Variants in KLHL13 observed in about 807,000 individuals in gnomAD.
The protein encoded by KLHL13 is kelch like family member 13.
In KLHL13, 10 loss-of-function variants were observed where a neutral mutation model predicts 37.1. The ratio of observed to expected loss-of-function variants is 0.27; its 90% CI spans 0.17 to 0.46. The LOEUF is 0.46. Ranked by LOEUF, KLHL13 falls within the 20% of genes least tolerant of loss-of-function variation. KLHL13 has a pLI of 1.00. For missense variants in KLHL13, 360 were observed against 509.3 expected (o/e 0.71, Z 2.82); for synonymous variants, 163 against 181.2 (o/e 0.90, Z 0.81).
At chrX:118,012,200 T>G (rs1361519592) in intron 1 of KLHL13, among the ~76,000 whole-genome samples, 1 of 111,802 alleles carries the variant, frequency 8.9e-6, no homozygotes, top group Non-Finnish European at 1.9e-5. Context: ...GCTCCTGGTA[T>G]ATATTAGGAA....
intron 4 of KLHL13, among the ~76,000 whole-genome samples, chrX:117,913,843 A>AAAAAG (rs1931155709): frequency 9.1e-6 from 1 of 110,108 alleles, no homozygotes; most frequent in South Asian, 3.9e-4. Flanking sequence ...CTCCATCAAA[A>AAAAAG]AAAAGAAAAA....
At chrX:118,023,101 G>A (rs1299521643) in intron 1 of KLHL13, among the ~76,000 whole-genome samples, 2 of 110,573 alleles carry the variant, frequency 1.8e-5, no homozygotes, top group South Asian at 3.7e-4. Context: ...TTTGCAAGTG[G>A]ATATACAGTT....
intron 4 of KLHL13, among the ~76,000 whole-genome samples, chrX:117,916,793 T>C (rs188320373): frequency 6.2e-4 from 69 of 112,105 alleles, no homozygotes; most frequent in African/African-American, 2.1e-3. Flanking sequence ...GTGTTTTGAT[T>C]ATGTGAACTA....
chrX:118,064,244 ATG>A (rs1321037584), intron 1 of KLHL13, among the ~76,000 whole-genome samples: 1 of 111,897 alleles, frequency 8.9e-6, no homozygotes, highest in Non-Finnish European at 1.9e-5. Context: ...TCACTTAAAA[ATG>A]TGTTTTTGAA....
At chrX:118,016,711 G>T (rs1196822521) in intron 1 of KLHL13, among the ~76,000 whole-genome samples, 1 of 111,524 alleles carries the variant, frequency 9.0e-6, no homozygotes, top group Non-Finnish European at 1.9e-5. Flanking sequence ...TAGTTCAGAG[G>T]CAAGAAGCTC....
intron 4 of KLHL13, among the ~76,000 whole-genome samples, chrX:117,919,025 CT>C (rs950309026): frequency 1.8e-5 from 2 of 109,570 alleles, no homozygotes; most frequent in South Asian, 4.0e-4. Flanking sequence ...TACACAGAGG[CT>C]TTTTTTTTCT....
At chrX:118,081,726 A>C (rs1353930679) in intron 1 of KLHL13, among the ~76,000 whole-genome samples, 1 of 109,974 alleles carries the variant, frequency 9.1e-6, no homozygotes, top group Non-Finnish European at 1.9e-5. Context: ...ACATTAACCA[A>C]CCTCTCTTCA....
intron 1 of KLHL13, among the ~76,000 whole-genome samples, chrX:117,984,890 T>C (rs2053706335): frequency 2.7e-5 from 3 of 110,548 alleles, no homozygotes; most frequent in South Asian, 7.6e-4. Context: ...TGCCACCTTC[T>C]GGCAACTGAG....
At chrX:117,905,736 G>A (rs1397414945) in intron 5 of KLHL13, among the ~76,000 whole-genome samples, 1 of 110,900 alleles carries the variant, frequency 9.0e-6, no homozygotes, top group Non-Finnish European at 1.9e-5. Flanking sequence ...ATGCAGGTAT[G>A]CAATGTATAA....
chrX:118,015,119 C>A (rs5956000), intron 1 of KLHL13, among the ~76,000 whole-genome samples: 2 of 111,165 alleles, frequency 1.8e-5, no homozygotes, highest in African/African-American at 6.6e-5. Flanking sequence ...AAGACACTTT[C>A]CAAATTTCAC....
chrX:118,095,849 C>A (rs933235672), intron 1 of KLHL13, among the ~76,000 whole-genome samples: 12 of 111,864 alleles, frequency 1.1e-4, no homozygotes, highest in Non-Finnish European at 5.6e-5. Context: ...CCAATGAGAA[C>A]AAAGACACAA....
chrX:117,898,870 A>G lies in KLHL13; in HGVS notation c.*38T>C, dbSNP rs1929897457. On this transcript the variant is annotated 3_prime_UTR_variant, in exon 7 of 7. Transcript: ENST00000262820. ...AAGAAGAGAATTTATGACACATTGC[A>G]AAGATAGAACTACAGCATCTTAGTT... 4 of 1,157,802 alleles carry G rather than the reference A, an allele frequency of 3.5e-6. No individual in the cohort carries two copies. In the South Asian group the frequency reaches 6.1e-5, roughly 18 times the overall value.
At chrX:118,068,552 C>G (rs1393316091) in intron 1 of KLHL13, among the ~76,000 whole-genome samples, 1 of 110,438 alleles carries the variant, frequency 9.1e-6, no homozygotes, top group Non-Finnish European at 1.9e-5. Context: ...CCCAGCAGCC[C>G]CCATCAACCC....
intron 1 of KLHL13, among the ~76,000 whole-genome samples, chrX:118,110,112 T>G (rs73597468): frequency 0.018 from 1,976 of 111,564 alleles, 52 homozygotes; most frequent in African/African-American, 0.061. Context: ...AGATGTTATA[T>G]AAAGATAATA....
intron 1 of KLHL13, among the ~76,000 whole-genome samples, chrX:118,050,731 C>T (rs1295682095): frequency 8.9e-6 from 1 of 112,202 alleles, no homozygotes; most frequent in Non-Finnish European, 1.9e-5. Flanking sequence ...TCAGTCAGTG[C>T]TCATTCTATG....
At chrX:118,005,046 T>C (rs1414226808) in intron 1 of KLHL13, among the ~76,000 whole-genome samples, 1 of 112,127 alleles carries the variant, frequency 8.9e-6, no homozygotes, top group Non-Finnish European at 1.9e-5. Flanking sequence ...TACAATTAAT[T>C]GCAATGCATA....
chrX:118,073,255 TG>T (rs1163410335), intron 1 of KLHL13, among the ~76,000 whole-genome samples: 3 of 111,393 alleles, frequency 2.7e-5, no homozygotes, highest in African/African-American at 6.5e-5. Context: ...TCCACATGAC[TG>T]GGGAAGCCTC....
intron 1 of KLHL13, among the ~76,000 whole-genome samples, chrX:117,949,319 TG>T (rs1485392660): frequency 1.8e-5 from 2 of 111,350 alleles, no homozygotes; most frequent in African/African-American, 6.6e-5. Flanking sequence ...TGGACAAATG[TG>T]GTTTTTTTTT....
chrX:117,901,963 G>T lies in KLHL13; in HGVS notation c.1367-17C>A. The T allele has an allele frequency of 1.2e-6, 1 of 841,896 alleles. No individual in the cohort carries two copies. The highest frequency in any genetic ancestry group is 1.7e-6 in the Non-Finnish European group (1 of 584,035). 69.4% of individuals were successfully genotyped at this position (841,896 alleles called of 1,213,427 possible). A position where few individuals can be genotyped will look rare whatever the true frequency, so the allele number is the denominator to read the frequency against. ...CTACTGTGGCTGTTAAAAAAAAAAA[G>T]AAAAGAAAATTATTTTTAACTTCAA... On this transcript the variant is annotated splice_polypyrimidine_tract_variant and intron_variant, in intron 5 of 6. Transcript: ENST00000262820.
Sources: gnomAD v4.1 joint callset for allele counts (sites outside exome capture counted in the v4.1 genomes callset) on GRCh38, gnomAD v4.1.1 for gene constraint, MANE v1.5 for transcripts, NCBI Gene and HGNC (gene_info 2026-07-23, HGNC 2026-07-21) for gene names.